The following TMEM164 variants were observed in gnomAD, a reference collection of about 807,000 sequenced individuals.
The protein encoded by TMEM164 is transmembrane protein 164.
A neutral mutation model predicts 18.8 loss-of-function variants in TMEM164; 4 were observed. The observed-to-expected ratio is 0.21, with a 90% CI of 0.10 to 0.49. The LOEUF is 0.49. Among genes scored for constraint, TMEM164 ranks in the 20% least tolerant of loss-of-function variants. TMEM164 has a pLI of 0.98. For synonymous variants in TMEM164, 86 were observed against 101.7 expected, an observed-to-expected ratio of 0.85 and a Z score of 0.93; for missense variants, 108 against 239.9, an observed-to-expected ratio of 0.45 and a Z score of 3.63.
chrX:110,107,710 A>G (rs779153036), intron 3 of TMEM164, among the ~76,000 whole-genome samples: 1 of 90,879 alleles, frequency 1.1e-5, no homozygotes, highest in African/African-American at 4.2e-5. Context: ...CCCAGGCTGT[A>G]GTACAGTAGC....
intron 2 of TMEM164, among the ~76,000 whole-genome samples, chrX:110,061,311 C>T (rs1390512137): frequency 3.6e-5 from 4 of 112,403 alleles, no homozygotes; most frequent in African/African-American, 1.3e-4. Flanking sequence ...CTCTATTTTA[C>T]AGATGAAAAT....
chrX:110,075,994 C>A (rs953878752), intron 3 of TMEM164, among the ~76,000 whole-genome samples: 1 of 80,246 alleles, frequency 1.2e-5, no homozygotes, highest in Non-Finnish European at 2.3e-5. Flanking sequence ...AGGGAGGAGT[C>A]TCTCCTCCTT....
intron 4 of TMEM164, among the ~76,000 whole-genome samples, chrX:110,141,354 T>G (rs2148054495): frequency 8.9e-6 from 1 of 111,942 alleles, no homozygotes; most frequent in African/African-American, 3.2e-5. Context: ...TTAGTCCGTT[T>G]TCATGCTGCT....
chrX:110,173,628 G>A lies in TMEM164; in HGVS notation c.*177G>A, dbSNP rs2067258827. ...TTCCTTTCCCAGCTCTTCCCCCTAC[G>A]ATGTCTCCTTGAGCCTGGGGTGTAG... On this transcript the variant is annotated 3_prime_UTR_variant, in exon 7 of 7. Transcript: ENST00000372068. 2 of 464,401 alleles carry A rather than the reference G, an allele frequency of 4.3e-6. No homozygotes were observed. Among genetic ancestry groups the A allele is most frequent in the Admixed American group, 4.1e-5 (1 of 24,668 alleles). The allele number at this position is 464,401 out of a possible 1,213,427, so 38.3% of individuals were successfully genotyped here. A position where few individuals can be genotyped will look rare whatever the true frequency, so the allele number is the denominator to read the frequency against.
At chrX:110,056,270 A>C (rs938484454) in intron 2 of TMEM164, among the ~76,000 whole-genome samples, 1 of 110,410 alleles carries the variant, frequency 9.1e-6, no homozygotes, top group Non-Finnish European at 1.9e-5. Context: ...ATAGAAATTG[A>C]GTAATTATAA....
chrX:110,142,399 A>G (rs919703463), intron 4 of TMEM164, among the ~76,000 whole-genome samples: 11 of 112,126 alleles, frequency 9.8e-5, no homozygotes, highest in Non-Finnish European at 1.9e-4. Context: ...GCGAGTGAGC[A>G]AAGGATAGCT....
intron 3 of TMEM164, among the ~76,000 whole-genome samples, chrX:110,071,984 G>A (rs1416194556): frequency 1.8e-5 from 2 of 109,965 alleles, no homozygotes; most frequent in Non-Finnish European, 3.8e-5. Context: ...CTCTTGTCTG[G>A]AATACTTTAA....
In TMEM164 at chrX:110,173,870, C is replaced by T. The variant is rs1005521729; in HGVS notation, c.*419C>T. 2 of 147,338 alleles carry T rather than the reference C, an allele frequency of 1.4e-5. No homozygotes were observed. The highest frequency in any genetic ancestry group is 6.4e-5 in the African/African-American group (2 of 31,106). 12.1% of individuals were successfully genotyped at this position (147,338 alleles called of 1,213,427 possible). A position where few individuals can be genotyped will look rare whatever the true frequency, so the allele number is the denominator to read the frequency against. ...TTCTCCACTGCCAGGGACCTCCAGGCTTATGCTGGCGTCCCATTTAGTCTC... is the reference window on the plus strand; with the variant it reads ...TTCTCCACTGCCAGGGACCTCCAGGTTTATGCTGGCGTCCCATTTAGTCTC... On this transcript the variant is annotated 3_prime_UTR_variant, in exon 7 of 7. Coordinates refer to ENST00000372068, the MANE Select transcript of TMEM164 (RefSeq NM_032227.4).
chrX:110,154,302 A>G (rs1353697812), intron 5 of TMEM164, among the ~76,000 whole-genome samples: 5 of 112,369 alleles, frequency 4.4e-5, no homozygotes, highest in Non-Finnish European at 7.5e-5. Flanking sequence ...TTATAATCCT[A>G]TATATTCTAT....
chrX:110,100,384 T>A, intron 3 of TMEM164, among the ~76,000 whole-genome samples: 1 of 111,686 alleles, frequency 9.0e-6, no homozygotes. Flanking sequence ...CCTAGTTTGA[T>A]GATAATTTTT....
intron 2 of TMEM164, among the ~76,000 whole-genome samples, chrX:110,059,280 A>T (rs1936001974): frequency 9.0e-6 from 1 of 111,139 alleles, no homozygotes; most frequent in African/African-American, 3.3e-5. Context: ...TTAGTCAAAA[A>T]TCACTTCTGA....
chrX:110,160,184 A>T (rs376285647), intron 5 of TMEM164, among the ~76,000 whole-genome samples: 1 of 112,005 alleles, frequency 8.9e-6, no homozygotes, highest in South Asian at 3.7e-4. Flanking sequence ...GGGTTCACAA[A>T]TAGGATCTTA....
At chrX:110,046,606 A>T (rs1280839288) in intron 2 of TMEM164, 1 of 467,408 alleles carries the variant, frequency 2.1e-6, no homozygotes, top group African/African-American at 2.7e-5. Flanking sequence ...TGTCACTAGG[A>T]GATTGCTGGA....
rs1366490180 is a variant in TMEM164, at chrX:110,016,076, C to T, written c.390+11912C>T. The stretch of plus-strand genomic sequence containing the variant: ...CCGCCGTGTCACAGGGTCTGCTGAC[C>T]GGCTGGGTAGTGTTTGGCCATATCT... On this transcript the variant is annotated intron_variant, in intron 2 of 6. Transcript: ENST00000372068. Among the ~76,000 whole-genome samples the T allele has an allele frequency of 3.6e-5, 4 of 112,388 alleles. No individual in the cohort carries two copies. The East Asian group carries it at 1.1e-3, about 31-fold the overall frequency.
At position 110,165,157 on chromosome X, in the gene TMEM164, T is replaced by C. The variant is rs768898130; in HGVS notation, c.587-6263T>C. On this transcript the variant is annotated intron_variant, in intron 5 of 6. Transcript: ENST00000372068. ...CAAACCCAGTGGAAGTGCTTGCCTT[T>C]ACTGTACCCCTATAGAGAAGTGTGT... Among the ~76,000 whole-genome samples, 6 of 112,939 alleles carry C rather than the reference T, an allele frequency of 5.3e-5. No homozygotes were observed. In the South Asian group the frequency reaches 2.2e-3, roughly 41 times the overall value.
intron 6 of TMEM164, among the ~76,000 whole-genome samples, chrX:110,172,331 C>T (rs1169673989): frequency 8.9e-6 from 1 of 112,090 alleles, no homozygotes; most frequent in Non-Finnish European, 1.9e-5. Flanking sequence ...GCAGGTGTCG[C>T]ATGTCTGGTT....
chrX:110,109,050 G>T (rs777516583), intron 3 of TMEM164, 30 bp from the exon 4 acceptor site: 4 of 1,194,970 alleles, frequency 3.3e-6, no homozygotes, highest in East Asian at 3.0e-5. Flanking sequence ...GTCTGAGTAT[G>T]ACCTGAACTT....
chrX:110,072,109 T>TC (rs1451298187), intron 3 of TMEM164, among the ~76,000 whole-genome samples: 1 of 108,415 alleles, frequency 9.2e-6, no homozygotes, highest in Admixed American at 1.0e-4. Flanking sequence ...AAGACCAGCC[T>TC]TACCAACATG....
At chrX:110,017,444 T>TTCTTTCTTTCTTTCTTTCTCTC (rs1182465665) in intron 2 of TMEM164, among the ~76,000 whole-genome samples, 2 of 43,016 alleles carry the variant, frequency 4.6e-5, no homozygotes, top group African/African-American at 8.4e-5. Flanking sequence ...CTTTCTTTCT[T>TTCTTTCTTTCTTTCTTTCTCTC]TCTCTCTCTC....
Sources: gnomAD v4.1 joint callset for allele counts (sites outside exome capture counted in the v4.1 genomes callset) on GRCh38, gnomAD v4.1.1 for gene constraint, MANE v1.5 for transcripts, NCBI Gene and HGNC (gene_info 2026-07-23, HGNC 2026-07-21) for gene names.